The following RIBC1 variants were observed in gnomAD, a reference collection of about 807,000 sequenced individuals.
RIBC1 encodes the protein RIB43A domain with coiled-coils 1, also known as RIB43A-like with coiled-coils protein 1.
In RIBC1, 12 loss-of-function variants were observed where a neutral mutation model predicts 33.7. The ratio of observed to expected loss-of-function variants is 0.36; its 90% CI spans 0.23 to 0.58. The LOEUF (loss-of-function observed/expected upper bound fraction) is 0.58. Among genes scored for constraint, RIBC1 ranks in the 20% least tolerant of loss-of-function variants. The pLI is 0.81. For synonymous variants in RIBC1, 89 were observed against 109.0 expected, an observed-to-expected ratio of 0.82 and a Z score of 1.14; for missense variants, 242 against 311.6, an observed-to-expected ratio of 0.78 and a Z score of 1.68.
At chrX:53,429,080 C>G (rs2075807390) in intron 5 of RIBC1, 1 of 132,954 alleles carries the variant, frequency 7.5e-6, no homozygotes, top group Non-Finnish European at 1.5e-5. Flanking sequence ...GTTCACCCTT[C>G]ACATCAACCC....
At position 53,426,355 on chromosome X, in the gene RIBC1, C is replaced by T; in HGVS notation, c.79C>T (p.Gln27Ter). The T allele has an allele frequency of 8.3e-7, 1 of 1,205,834 alleles. No individual in the cohort carries two copies. Among genetic ancestry groups the T allele is most frequent in the Non-Finnish European group, 1.1e-6 (1 of 891,436 alleles). Reference sequence around the variant, plus strand: ...TAGAAGAAATCGAGAAAAAGAGCGACAAAACCGATTCTTCAATGTGCGGAA... The same window carrying T: ...TAGAAGAAATCGAGAAAAAGAGCGATAAAACCGATTCTTCAATGTGCGGAA... ...EARRNREKER[Q>*]NRFFNVRNRV... Residue 27 changes from glutamine (Q) to a stop codon, truncating the protein, a stop_gained, in exon 3 of 8, where the codon CAA (glutamine) becomes TAA (stop). Coordinates refer to ENST00000375327, the MANE Select transcript of RIBC1 (RefSeq NM_001031745.5). LOFTEE classifies it high-confidence loss of function.
intron 5 of RIBC1, chrX:53,429,041 G>A: frequency 5.8e-6 from 1 of 173,340 alleles, no homozygotes. Context: ...CCCTTCAAGG[G>A]CAAGGACCAT....
Position 53,423,898 on chromosome X carries a change from G to A in RIBC1, c.-1+496G>A, listed in dbSNP as rs782180313. Among the ~76,000 whole-genome samples, 214 of 110,944 alleles carry A rather than the reference G, an allele frequency of 1.9e-3. 1 individual carries two copies. The highest frequency in any genetic ancestry group is 3.5e-3 in the Non-Finnish European group (185 of 52,951). On this transcript the variant is annotated intron_variant, in intron 2 of 7. Coordinates refer to ENST00000375327, the MANE Select transcript of RIBC1 (RefSeq NM_001031745.5). The stretch of plus-strand genomic sequence containing the variant: ...GTTCAAGACCAGCCTGGGCAACATA[G>A]TGAGACCCTATCTCTACTAAAAATT...
At chrX:53,429,464 G>A (rs1449485343) in intron 5 of RIBC1, 1 of 146,383 alleles carries the variant, frequency 6.8e-6, no homozygotes, top group Admixed American at 7.4e-5. Context: ...CATTGCTCTT[G>A]CCAGATTGTG....
intron 2 of RIBC1, among the ~76,000 whole-genome samples, chrX:53,425,140 A>G (rs1212557379): frequency 8.9e-6 from 1 of 112,176 alleles, no homozygotes; most frequent in Non-Finnish European, 1.9e-5. Flanking sequence ...GAATTAAAGA[A>G]TCACGCTCCA....
rs887618764 is a variant in RIBC1 at position 53,430,430 on chromosome X, G to A, written c.698G>A (p.Arg233His). The A allele has an allele frequency of 9.1e-6, 11 of 1,209,549 alleles. No homozygotes were observed. Among genetic ancestry groups the A allele is most frequent in the African/African-American group, 7.0e-5 (4 of 57,142 alleles). ...CAGGCTGGGCGTCAGCGCTGTGAGCGTCAGCGTGAACAGAAGGCCAACCTT... is the reference window on the plus strand; with the variant it reads ...CAGGCTGGGCGTCAGCGCTGTGAGCATCAGCGTGAACAGAAGGCCAACCTT... ...AVQAGRQRCE[R>H]QREQKANLAE... The change falls in exon 7 of 8, where the codon CGT becomes CAT. Residue 233 changes from arginine (R) to histidine (H), a missense_variant. Physicochemically the swap from Arg to His is conservative, Grantham distance 29 (BLOSUM62 0). Coordinates refer to ENST00000375327, the MANE Select transcript of RIBC1 (RefSeq NM_001031745.5).
At chrX:53,427,456 G>A (rs1273477277) in intron 3 of RIBC1, among the ~76,000 whole-genome samples, 1 of 112,319 alleles carries the variant, frequency 8.9e-6, no homozygotes, top group Non-Finnish European at 1.9e-5. Flanking sequence ...GCATTTCCTC[G>A]GGGCCTGCTC....
intron 2 of RIBC1, 84 bp downstream of exon 2, chrX:53,423,486 C>T (rs1221774781): frequency 8.9e-6 from 1 of 112,191 alleles, no homozygotes; most frequent in Non-Finnish European, 1.9e-5. Context: ...TGCCTCTCCC[C>T]CATCCCATTC....
At chrX:53,428,746 G>A (rs1274895595) in intron 5 of RIBC1, 119 bp downstream of exon 5, 1 of 1,127,330 alleles carries the variant, frequency 8.9e-7, no homozygotes, top group African/African-American at 1.8e-5. Context: ...CCATAGGGTT[G>A]GTGCTGAAAT....
Position 53,428,643 on chromosome X carries a change from C to T in RIBC1, c.544+16C>T, listed in dbSNP as rs1189525161. The T allele has an allele frequency of 1.7e-6, 2 of 1,206,283 alleles. No individual in the cohort carries two copies. The highest frequency in any genetic ancestry group is 1.8e-5 in the African/African-American group (1 of 57,048). The stretch of plus-strand genomic sequence containing the variant: ...AATTATACAGGTAAGCAGCCCGGCC[C>T]TCCAGACTCAGAGACCTGAGGCCTA... On this transcript the variant is annotated intron_variant, in intron 5 of 7. Transcript: ENST00000375327.
chrX:53,427,281 T>C (rs2075797410), intron 3 of RIBC1, among the ~76,000 whole-genome samples: 2 of 112,276 alleles, frequency 1.8e-5, no homozygotes, highest in Non-Finnish European at 1.9e-5. Context: ...ATAAATCACC[T>C]GTCTTCTCTG....
At position 53,430,531 on chromosome X, in the gene RIBC1, T is replaced by A; in HGVS notation, c.799T>A (p.Tyr267Asn). ...PQVAQHPMAP[Y>N]RVLPYCWKGM... The stretch of plus-strand genomic sequence containing the variant: ...GGTCGCCCAACACCCTATGGCTCCC[T>A]ACCGGGTCCTGCCCTATTGCTGGAA... Residue 267 changes from tyrosine to asparagine, a missense_variant, in exon 7 of 8, where the codon TAC becomes AAC. Physicochemically the swap from Tyr to Asn is moderately radical, Grantham distance 143 (BLOSUM62 -2). Transcript: ENST00000375327. 1 of 1,208,408 alleles carries A rather than the reference T, an allele frequency of 8.3e-7. No homozygotes were observed. The highest frequency in any genetic ancestry group is 1.1e-6 in the Non-Finnish European group (1 of 893,754).
chrX:53,427,311 G>T (rs2146621163), intron 3 of RIBC1, among the ~76,000 whole-genome samples: 1 of 112,056 alleles, frequency 8.9e-6, no homozygotes, highest in East Asian at 2.8e-4. Context: ...CTCCTCTTCT[G>T]TAAAATGAGG....
At position 53,431,065 on chromosome X, in the gene RIBC1, G is replaced by A; in HGVS notation, c.*77G>A. On this transcript the variant is annotated 3_prime_UTR_variant, in exon 8 of 8. Coordinates refer to ENST00000375327, the MANE Select transcript of RIBC1 (RefSeq NM_001031745.5). Reference sequence around the variant, plus strand: ...GTTAGGAGTCAAAGAGAAAAATGCTGCATACTCCCACCTTCTAACCTAGGT... The same window carrying A: ...GTTAGGAGTCAAAGAGAAAAATGCTACATACTCCCACCTTCTAACCTAGGT... 1 of 1,191,561 alleles carries A rather than the reference G, an allele frequency of 8.4e-7. No individual in the cohort carries two copies. The highest frequency in any genetic ancestry group is 1.1e-6 in the Non-Finnish European group (1 of 880,987).
At chrX:53,428,889 C>T in intron 5 of RIBC1, 1 of 935,463 alleles carries the variant, frequency 1.1e-6, no homozygotes, top group Non-Finnish European at 1.4e-6. Flanking sequence ...CTGCCACTTA[C>T]TAGCTGGTTT....
chrX:53,426,458 A>G, intron 3 of RIBC1, 65 bp downstream of exon 3: 2 of 733,488 alleles, frequency 2.7e-6, no homozygotes, highest in Admixed American at 5.3e-5. Flanking sequence ...CTGGAGAGGA[A>G]TGTGTAACAG....
At chrX:53,430,258 T>G (rs2075815767) in intron 6 of RIBC1, 138 bp from the exon 7 acceptor site, 1 of 526,861 alleles carries the variant, frequency 1.9e-6, no homozygotes, top group Non-Finnish European at 3.1e-6. Flanking sequence ...CCCCAACACA[T>G]ATTAGGGGCA....
At chrX:53,424,640 C>T (rs1316819255) in intron 2 of RIBC1, among the ~76,000 whole-genome samples, 1 of 106,395 alleles carries the variant, frequency 9.4e-6, no homozygotes. Context: ...GGATTACAGG[C>T]GTGAGCCACC....
chrX:53,423,829 G>A (rs1198098684), intron 2 of RIBC1, among the ~76,000 whole-genome samples: 1 of 111,832 alleles, frequency 8.9e-6, no homozygotes, highest in Non-Finnish European at 1.9e-5. Flanking sequence ...TAATCCCATC[G>A]TGAGGGAGGC....
Sources: allele counts gnomAD v4.1 joint callset (sites outside exome capture counted in the v4.1 genomes callset), GRCh38; gene constraint gnomAD v4.1.1; transcripts MANE v1.5; gene names NCBI Gene and HGNC (gene_info 2026-07-23, HGNC 2026-07-21).